The following PALM2AKAP2 variants were observed in gnomAD, a reference collection of about 807,000 sequenced individuals.
PALM2AKAP2 encodes PALM2 and AKAP2 fusion, also known as PALM2-AKAP2 fusion protein.
A neutral mutation model predicts 71.5 loss-of-function variants in PALM2AKAP2; 37 were observed. The observed-to-expected ratio is 0.52, with a 90% CI of 0.40 to 0.68. The LOEUF is 0.68. Ranked by LOEUF, PALM2AKAP2 falls within the 30% of genes least tolerant of loss-of-function variation. The pLI is 0.00. For synonymous variants in PALM2AKAP2, 468 were observed against 478.8 expected (o/e 0.98, Z 0.29); for missense variants, 1,224 against 1,191.8 (o/e 1.03, Z -0.40).
In PALM2AKAP2 at chr9:109,884,636, G is replaced by A. The variant is rs116720498; in HGVS notation, c.257+3955G>A. ...TCAGATGCAGAACCATTAAATAAAG[G>A]CATTTTAAGGGAAATCTTCATTACT... On this transcript the variant is annotated intron_variant, in intron 3 of 9. Coordinates refer to the PALM2AKAP2 transcript ENST00000302798. Among the ~76,000 whole-genome samples, 279 of 152,198 alleles carry A rather than the reference G, an allele frequency of 1.8e-3. 3 individuals carry two copies. Among genetic ancestry groups the A allele is most frequent in the African/African-American group, 6.4e-3 (266 of 41,522 alleles).
chr9:109,885,282 C>T (rs1390961750), intron 3 of PALM2AKAP2, among the ~76,000 whole-genome samples: 1 of 152,034 alleles, frequency 6.6e-6, no homozygotes, highest in Non-Finnish European at 1.5e-5. Flanking sequence ...CTTTTGAGGG[C>T]AGCCCACGAA....
rs1434141801 is a variant in PALM2AKAP2 at position 109,904,676 on chromosome 9, G to A, written c.258-19059G>A. Among the ~76,000 whole-genome samples the A allele has an allele frequency of 2.0e-5, 3 of 152,306 alleles. No homozygotes were observed. In the East Asian group the frequency reaches 5.8e-4, roughly 29 times the overall value. ...GATGTGGTAGGACAACTTCAGGGGT[G>A]GGACCTCTGCTGAACACAGAGGTGG... On this transcript the variant is annotated intron_variant, in intron 3 of 9. Coordinates refer to the PALM2AKAP2 transcript ENST00000302798.
chr9:109,931,060 T>G (rs936124095), intron 5 of PALM2AKAP2, among the ~76,000 whole-genome samples: 1 of 152,194 alleles, frequency 6.6e-6, no homozygotes, highest in Non-Finnish European at 1.5e-5. Flanking sequence ...AGGGATCACA[T>G]CTCATGGTGC....
At chr9:110,017,233 T>G (rs896456333) in intron 7 of PALM2AKAP2, among the ~76,000 whole-genome samples, 1 of 152,254 alleles carries the variant, frequency 6.6e-6, no homozygotes, top group Non-Finnish European at 1.5e-5. Flanking sequence ...AGCATGGATT[T>G]ATTCAAGTTT....
chr9:109,781,087 A>C (rs912106141), intron 1 of PALM2AKAP2, among the ~76,000 whole-genome samples: 1 of 152,252 alleles, frequency 6.6e-6, no homozygotes, highest in Non-Finnish European at 1.5e-5. Flanking sequence ...TGGGGACTTC[A>C]TACAACTGGG....
At chr9:110,036,646 A>C (rs550985569) in intron 7 of PALM2AKAP2, among the ~76,000 whole-genome samples, 1 of 152,274 alleles carries the variant, frequency 6.6e-6, no homozygotes, top group East Asian at 1.9e-4. Context: ...TTCTGCTTGA[A>C]ATAATGCAGT....
At chr9:109,836,828 A>G (rs1055707353) in intron 1 of PALM2AKAP2, among the ~76,000 whole-genome samples, 6 of 152,234 alleles carry the variant, frequency 3.9e-5, no homozygotes, top group Non-Finnish European at 8.8e-5. Context: ...AAGTTTAGAG[A>G]AAAAAGAGTA....
intron 1 of PALM2AKAP2, among the ~76,000 whole-genome samples, chr9:109,824,544 T>G (rs1023624131): frequency 6.6e-6 from 1 of 152,226 alleles, no homozygotes; most frequent in African/African-American, 2.4e-5. Context: ...GCAAATACCC[T>G]GTGTGAGGCC....
At chr9:110,071,476 T>C (rs976362991) in intron 1 of PALM2AKAP2, among the ~76,000 whole-genome samples, 23 of 152,250 alleles carry the variant, frequency 1.5e-4, no homozygotes, top group African/African-American at 5.5e-4. Context: ...CCACCTCTAC[T>C]CATGGCTCCC....
At chr9:109,704,668 C>T (rs941452102) in intron 1 of PALM2AKAP2, among the ~76,000 whole-genome samples, 39 of 152,190 alleles carry the variant, frequency 2.6e-4, no homozygotes, top group African/African-American at 9.2e-4. Flanking sequence ...CTGTTGGTGT[C>T]ATTTCACATG....
intron 3 of PALM2AKAP2, among the ~76,000 whole-genome samples, chr9:109,908,808 G>GCACACACACACACA (rs59715039): frequency 0.021 from 3,091 of 150,198 alleles, 40 homozygotes; most frequent in Non-Finnish European, 0.034. Flanking sequence ...GGATGCGTGT[G>GCACACACACACACA]CACACACACA....
intron 6 of PALM2AKAP2, among the ~76,000 whole-genome samples, chr9:109,947,189 G>A (rs1831529800): frequency 6.6e-6 from 1 of 152,122 alleles, no homozygotes; most frequent in Non-Finnish European, 1.5e-5. Flanking sequence ...AATTTGATTT[G>A]GTTCCTTTCC....
At chr9:109,755,716 C>T (rs1374884936) in intron 1 of PALM2AKAP2, among the ~76,000 whole-genome samples, 1 of 151,748 alleles carries the variant, frequency 6.6e-6, no homozygotes, top group Non-Finnish European at 1.5e-5. Context: ...CCTTAGTATC[C>T]CTTTACACTG....
chr9:109,804,036 C>A (rs1369188292), intron 1 of PALM2AKAP2, among the ~76,000 whole-genome samples: 1 of 152,178 alleles, frequency 6.6e-6, no homozygotes, highest in African/African-American at 2.4e-5. Flanking sequence ...AAAGACAACT[C>A]CCAGCCAGGC....
intron 6 of PALM2AKAP2, among the ~76,000 whole-genome samples, chr9:110,004,562 C>T (rs1588053983): frequency 2.6e-5 from 4 of 152,190 alleles, no homozygotes; most frequent in East Asian, 1.9e-4. Context: ...ATTTCCTGAA[C>T]CTGAATGTTG....
intron 1 of PALM2AKAP2, among the ~76,000 whole-genome samples, chr9:109,642,152 A>G (rs1418309594): frequency 6.6e-6 from 1 of 152,076 alleles, no homozygotes; most frequent in Non-Finnish European, 1.5e-5. Context: ...AGATATGTAC[A>G]AATTTAAGGA....
At chr9:109,653,298 G>A (rs774932134) in intron 1 of PALM2AKAP2, among the ~76,000 whole-genome samples, 5 of 152,110 alleles carry the variant, frequency 3.3e-5, no homozygotes, top group Non-Finnish European at 4.4e-5. Context: ...CAAACAAAAC[G>A]ATATGAAGAT....
chr9:110,161,637 G>A (rs990650397), intron 3 of PALM2AKAP2, among the ~76,000 whole-genome samples: 1 of 152,108 alleles, frequency 6.6e-6, no homozygotes, highest in Non-Finnish European at 1.5e-5. Context: ...CAAACCAACT[G>A]CTGTGATTAG....
At chr9:109,919,936 C>G (rs1588008562) in intron 3 of PALM2AKAP2, among the ~76,000 whole-genome samples, 1 of 152,220 alleles carries the variant, frequency 6.6e-6, no homozygotes, top group African/African-American at 2.4e-5. Flanking sequence ...CTGGGCTTAG[C>G]TGAGTGGCTC....
Sources: allele counts gnomAD v4.1 joint callset (sites outside exome capture counted in the v4.1 genomes callset), GRCh38; gene constraint gnomAD v4.1.1; transcripts MANE v1.5; gene names NCBI Gene and HGNC (gene_info 2026-07-23, HGNC 2026-07-21).